IRF4: variants seen among roughly 807,000 people sequenced by gnomAD.
IRF4 encodes the protein interferon regulatory factor 4.
In IRF4, 13 loss-of-function variants were observed where a neutral mutation model predicts 55.5. The ratio of observed to expected loss-of-function variants is 0.23; its 90% CI spans 0.15 to 0.37. IRF4 has a LOEUF of 0.37. Among genes scored for constraint, IRF4 ranks in the 10% least tolerant of loss-of-function variants. The pLI is 1.00. For synonymous variants in IRF4, 249 were observed against 240.7 expected (o/e 1.03, Z -0.32); for missense variants, 397 against 593.8 (o/e 0.67, Z 3.44).
intron 1 of IRF4, among the ~76,000 whole-genome samples, chr6:392,298 C>T (rs1189911333): frequency 2.0e-5 from 3 of 152,256 alleles, no homozygotes; most frequent in Admixed American, 1.3e-4. Flanking sequence ...GGAGGAGCTC[C>T]ACATTTGGGT....
rs75719951 is a variant in IRF4 at position 405,146 on chromosome 6, C to G, written c.1212+16C>G. ...CACAGCTCACGTGAGTCCTCAGTTACACTCCTACCATAGTGGCTTCCTGTT... is the reference window on the plus strand; with the variant it reads ...CACAGCTCACGTGAGTCCTCAGTTAGACTCCTACCATAGTGGCTTCCTGTT... On this transcript the variant is annotated intron_variant, in intron 8 of 8. Transcript: ENST00000380956. 18,134 of 1,346,202 alleles carry G rather than the reference C, an allele frequency of 0.013. 990 individuals are homozygous for G. The East Asian group carries it at 0.17, about 13-fold the overall frequency. 83.4% of individuals were successfully genotyped at this position (1,346,202 alleles called of 1,614,324 possible). A position where few individuals can be genotyped will look rare whatever the true frequency, so the allele number is the denominator to read the frequency against.
chr6:405,873 T>C (rs17825664), intron 8 of IRF4, among the ~76,000 whole-genome samples: 7,699 of 152,294 alleles, frequency 0.051, 216 homozygotes, highest in Middle Eastern at 0.085. Context: ...CTTAAGACTT[T>C]TGAATTTGAA....
chr6:397,072 G>C (rs770023608), intron 4 of IRF4, 36 bp from the exon 5 acceptor site: 1 of 1,610,928 alleles, frequency 6.2e-7, no homozygotes, highest in Non-Finnish European at 8.5e-7. Context: ...CTCAATGCCA[G>C]TGCTTCTTAT....
At chr6:405,861 C>T (rs1431023176) in intron 8 of IRF4, among the ~76,000 whole-genome samples, 1 of 152,134 alleles carries the variant, frequency 6.6e-6, no homozygotes, top group East Asian at 1.9e-4. Flanking sequence ...GAATCTTGAA[C>T]CCTTAAGACT....
intron 1 of IRF4, chr6:392,054 C>T (rs1365319648): frequency 2.0e-5 from 7 of 347,242 alleles, no homozygotes; most frequent in Non-Finnish European, 3.5e-5. Context: ...CTCCGCGCTC[C>T]TGCGACGGGG....
chr6:401,444 C>T lies in IRF4; in HGVS notation c.766C>T (p.Leu256=). The T allele has an allele frequency of 6.2e-7, 1 of 1,613,264 alleles. No homozygotes were observed. Among genetic ancestry groups the T allele is most frequent in the Non-Finnish European group, 8.5e-7 (1 of 1,179,888 alleles). ...TGCAGACTGCCGGCTGCACATCTGC[C>T]TGTACTACCGGGAAATCCTCGTGAA... The part of the protein sequence containing the change: ...AFSDCRLHIC[L]YYREILVKEL... Residue 256 remains leucine (L), a synonymous_variant, in exon 7 of 9, where the codon CTG becomes TTG. Coordinates refer to ENST00000380956, the MANE Select transcript of IRF4 (RefSeq NM_002460.4).
In IRF4 at chr6:408,022, A is replaced by G. The variant is rs1761596262; in HGVS notation, c.*424A>G. 1 of 265,598 alleles carries G rather than the reference A, an allele frequency of 3.8e-6. No individual in the cohort carries two copies. Among genetic ancestry groups the G allele is most frequent in the East Asian group, 5.9e-5 (1 of 16,996 alleles). 16.5% of individuals were successfully genotyped at this position (265,598 alleles called of 1,614,324 possible). On this transcript the variant is annotated 3_prime_UTR_variant, in exon 9 of 9. Transcript: ENST00000380956. Reference sequence around the variant, plus strand: ...CATTTCTTGTGTTCTGTAGACTGCCATCATTGATGATCACTGTGAAAATTG... The same window carrying G: ...CATTTCTTGTGTTCTGTAGACTGCCGTCATTGATGATCACTGTGAAAATTG...
At position 410,294 on chromosome 6, in the gene IRF4, C is replaced by T. The variant is rs1249026365; in HGVS notation, c.*2696C>T. ...TTGAGATTTTGTATATTTAGGAAAA[C>T]CTCAAGCAGTAATTAATATCTCCTG... On this transcript the variant is annotated 3_prime_UTR_variant, in exon 9 of 9. Transcript: ENST00000380956. The T allele has an allele frequency of 4.4e-6, 1 of 227,076 alleles. No individual in the cohort carries two copies. The highest frequency in any genetic ancestry group is 2.2e-5 in the African/African-American group (1 of 45,026). 14.1% of individuals were successfully genotyped at this position (227,076 alleles called of 1,614,324 possible).
chr6:398,449 T>C (rs147043327), intron 5 of IRF4, among the ~76,000 whole-genome samples: 6 of 152,364 alleles, frequency 3.9e-5, no homozygotes, highest in African/African-American at 9.6e-5. Context: ...TAGTTTTTAA[T>C]TGGGCTCTTT....
chr6:404,372 C>T lies in IRF4; in HGVS notation c.1100-646C>T, dbSNP rs368001042. 8.9e-4 allele frequency among the ~76,000 whole-genome samples: 136 copies of T among 152,338 alleles called. 1 individual carries two copies. The highest frequency in any genetic ancestry group is 3.1e-3 in the African/African-American group (129 of 41,550). ...GGGAGGCCAGGGGGGCTGCCCCACT[C>T]CTGTTCTCAAGTCAAGTTACTGTTC... On this transcript the variant is annotated intron_variant, in intron 7 of 8. Coordinates refer to ENST00000380956, the MANE Select transcript of IRF4 (RefSeq NM_002460.4).
chr6:397,449 C>A, intron 5 of IRF4, 197 bp downstream of exon 5: 1 of 596,094 alleles, frequency 1.7e-6, no homozygotes, highest in South Asian at 2.2e-5. Flanking sequence ...CTCTCAGGAT[C>A]CATGCTAGGC....
chr6:393,269 G>A lies in IRF4; in HGVS notation c.117G>A (p.Gly39=). 1 of 1,599,724 alleles carries A rather than the reference G, an allele frequency of 6.3e-7. No individual in the cohort carries two copies. The change falls in exon 2 of 9, where the codon GGG becomes GGA. Residue 39 remains glycine (G), a synonymous_variant. Transcript: ENST00000380956. This position sits in a 1 kb window ranked among gnomAD's most constrained non-coding sequence, Gnocchi z 5.4. ...AGATCGACAGCGGCAAGTACCCCGGGCTGGTGTGGGAGAACGAGGAGAAGA... is the reference window on the plus strand; with the variant it reads ...AGATCGACAGCGGCAAGTACCCCGGACTGGTGTGGGAGAACGAGGAGAAGA... ...IDQIDSGKYP[G]LVWENEEKSI... is the part of the protein sequence containing the mutation.
In IRF4 at chr6:410,671, G is replaced by A. The variant is rs1019926806; in HGVS notation, c.*3073G>A. 4.3e-6 allele frequency: 1 copy of A among 231,918 alleles called. No homozygotes were observed. Among genetic ancestry groups the A allele is most frequent in the South Asian group, 1.8e-4 (1 of 5,512 alleles). The allele number at this position is 231,918 out of a possible 1,614,324, so 14.4% of individuals were successfully genotyped here. On this transcript the variant is annotated 3_prime_UTR_variant, in exon 9 of 9. Transcript: ENST00000380956. ...ATGCTCCGCCAGGAAGGCCACTTGT[G>A]TGTGCGTGTCAGTTACTTTTTTAGT...
chr6:393,513 G>A lies in IRF4; in HGVS notation c.216+145G>A, dbSNP rs1309578964. 1.9e-6 allele frequency: 1 copy of A among 518,634 alleles called. No individual in the cohort carries two copies. The highest frequency in any genetic ancestry group is 2.0e-5 in the African/African-American group (1 of 49,754). The allele number at this position is 518,634 out of a possible 1,614,324, so 32.1% of individuals were successfully genotyped here. ...GCGGAGGCATCAGGTGGCGTCGCCG[G>A]AGCCGCAGGAGGAGGAAAGGAGGCC... On this transcript the variant is annotated intron_variant, in intron 2 of 8. Transcript: ENST00000380956. This position sits in a 1 kb window ranked among gnomAD's most constrained non-coding sequence, Gnocchi z 5.4.
intron 8 of IRF4, chr6:406,996 C>T: frequency 1.5e-6 from 1 of 662,160 alleles, no homozygotes; most frequent in Non-Finnish European, 1.9e-6. Context: ...TTTAACTTTA[C>T]TTTTTATTTC....
Position 405,044 on chromosome 6 carries a change from C to T in IRF4, c.1126C>T (p.Arg376Cys), listed in dbSNP as rs768893830. 9 of 1,613,724 alleles carry T rather than the reference C, an allele frequency of 5.6e-6. No individual in the cohort carries two copies. Among genetic ancestry groups the T allele is most frequent in the South Asian group, 1.1e-5 (1 of 91,084 alleles). The change falls in exon 8 of 9, where the codon CGC (arginine) becomes TGC (cysteine). Residue 376 changes from arginine (R) to cysteine (C), a missense_variant. Physicochemically the swap from Arg to Cys is radical, Grantham distance 180. Around this residue, in one of 3 missense-constraint regions of IRF4, gnomAD observed 341 missense variants for 548.1 expected, o/e 0.62. Transcript: ENST00000380956. ...GCTGCAAGCGTTTGCTCACCACGGC[C>T]GCTCCCTGCCAAGATTCCAGGTGAC... is the stretch of plus-strand genomic sequence containing the variant. ...SELQAFAHHG[R>C]SLPRFQVTLC...
Position 393,081 on chromosome 6 carries a change from A to T in IRF4, c.-55-17A>T, listed in dbSNP as rs1225971959. 2 of 1,373,890 alleles carry T rather than the reference A, an allele frequency of 1.5e-6. No homozygotes were observed. The highest frequency in any genetic ancestry group is 2.9e-5 in the African/African-American group (2 of 68,756). 85.1% of individuals were successfully genotyped at this position (1,373,890 alleles called of 1,614,324 possible). ...GTGCGGTGCCTCGTGGCTGAAGGGC[A>T]GCTCTTCTCCCCGCAGTGCAGAGCA... On this transcript the variant is annotated splice_polypyrimidine_tract_variant and intron_variant, in intron 1 of 8. Coordinates refer to ENST00000380956, the MANE Select transcript of IRF4 (RefSeq NM_002460.4). This position sits in a 1 kb window ranked among gnomAD's most constrained non-coding sequence, Gnocchi z 5.4.
intron 2 of IRF4, 119 bp from the exon 3 acceptor site, chr6:394,702 C>A: frequency 1.1e-6 from 1 of 909,314 alleles, no homozygotes. Context: ...CTGCGGTGAG[C>A]TATCATCGTG....
rs1389475137 is a variant in IRF4, at chr6:393,553, G to C, written c.216+185G>C. 6.6e-6 allele frequency among the ~76,000 whole-genome samples: 1 copy of C among 152,022 alleles called. No individual in the cohort carries two copies. Among genetic ancestry groups the C allele is most frequent in the African/African-American group, 2.4e-5 (1 of 41,402 alleles). The stretch of plus-strand genomic sequence containing the variant: ...GAAAGGAGGCCTCGGCTCTCAGCGG[G>C]ACCGCGGGGGCCGGGAGCCGGGTCC... On this transcript the variant is annotated intron_variant, in intron 2 of 8. Coordinates refer to ENST00000380956, the MANE Select transcript of IRF4 (RefSeq NM_002460.4). The surrounding 1 kb of genome is among the most constrained non-coding windows in gnomAD (Gnocchi z 5.4).
Sources: gnomAD v4.1 joint callset for allele counts (sites outside exome capture counted in the v4.1 genomes callset) on GRCh38, gnomAD v4.1.1 for gene constraint, gnomAD v4.1.1 regional missense constraint, Gnocchi (gnomAD v3.1) non-coding constraint, MANE v1.5 for transcripts, NCBI Gene and HGNC (gene_info 2026-07-23, HGNC 2026-07-21) for gene names.